Variants in GRID2 observed in about 807,000 individuals in gnomAD.
The protein encoded by GRID2 is glutamate receptor ionotropic, delta-2.
A neutral mutation model predicts 114.8 loss-of-function variants in GRID2; 33 were observed. The observed-to-expected ratio is 0.29, with a 90% CI of 0.22 to 0.38. GRID2 has a LOEUF of 0.38. Among genes scored for constraint, GRID2 ranks in the 10% least tolerant of loss-of-function variants. GRID2 has a pLI of 1.00. For synonymous variants in GRID2, 505 were observed against 449.9 expected, an observed-to-expected ratio of 1.12 and a Z score of -1.55; for missense variants, 1,184 against 1,257.7, an observed-to-expected ratio of 0.94 and a Z score of 0.89.
At chr4:93,720,669 G>T (rs542695410) in intron 14 of GRID2, among the ~76,000 whole-genome samples, 1 of 152,148 alleles carries the variant, frequency 6.6e-6, no homozygotes, top group South Asian at 2.1e-4. Context: ...CAGGTTATTG[G>T]TTAGTCATAT....
chr4:92,548,481 A>G (rs549300561), intron 1 of GRID2, among the ~76,000 whole-genome samples: 1 of 132,640 alleles, frequency 7.5e-6, no homozygotes, highest in South Asian at 2.4e-4. Context: ...GGCTCACTGC[A>G]ACCTCCGCCT....
chr4:92,782,976 T>A (rs962215759), intron 2 of GRID2, among the ~76,000 whole-genome samples: 1 of 152,116 alleles, frequency 6.6e-6, no homozygotes, highest in Admixed American at 6.6e-5. Context: ...TTTTCTAAGG[T>A]ACTTTGAAAG....
intron 8 of GRID2, among the ~76,000 whole-genome samples, chr4:93,271,501 T>C (rs905787433): frequency 3.3e-5 from 5 of 152,086 alleles, no homozygotes; most frequent in African/African-American, 1.2e-4. Flanking sequence ...AAGTCAACTA[T>C]ATTTTCCCAG....
At chr4:93,649,074 A>G (rs373709202) in intron 14 of GRID2, among the ~76,000 whole-genome samples, 6 of 152,086 alleles carry the variant, frequency 3.9e-5, no homozygotes, top group African/African-American at 1.4e-4. Flanking sequence ...ATATTCCCCA[A>G]TTCCACTTAT....
intron 8 of GRID2, among the ~76,000 whole-genome samples, chr4:93,259,306 T>C (rs1749979599): frequency 6.6e-6 from 1 of 151,790 alleles, no homozygotes; most frequent in African/African-American, 2.4e-5. Context: ...TTGCTGTAAA[T>C]ACACAGCTCC....
chr4:92,456,384 T>A (rs1045803936), intron 1 of GRID2, among the ~76,000 whole-genome samples: 1 of 151,860 alleles, frequency 6.6e-6, no homozygotes, highest in African/African-American at 2.4e-5. Flanking sequence ...CGGAAAAAAA[T>A]ATTGAATGGT....
chr4:93,468,659 G>T (rs1397759093), intron 11 of GRID2, among the ~76,000 whole-genome samples: 1 of 152,074 alleles, frequency 6.6e-6, no homozygotes, highest in South Asian at 2.1e-4. Context: ...GGACAGAGAG[G>T]TCCATGAGTT....
At chr4:93,612,231 A>T (rs1257149939) in intron 13 of GRID2, among the ~76,000 whole-genome samples, 3 of 148,900 alleles carry the variant, frequency 2.0e-5, no homozygotes, top group Non-Finnish European at 4.5e-5. Flanking sequence ...GGTTTCCTGA[A>T]TACAGCACAC....
intron 2 of GRID2, among the ~76,000 whole-genome samples, chr4:93,083,825 G>T (rs1299269736): frequency 1.3e-5 from 2 of 151,656 alleles, no homozygotes; most frequent in Non-Finnish European, 2.9e-5. Context: ...TGCATGTATT[G>T]GTTGGCTTAG....
intron 8 of GRID2, among the ~76,000 whole-genome samples, chr4:93,389,998 A>G (rs1284488453): frequency 6.6e-6 from 1 of 152,196 alleles, no homozygotes; most frequent in Admixed American, 6.5e-5. Context: ...CATGTTGGCC[A>G]GGCTGGTCTT....
chr4:92,315,935 A>C (rs1438272401), intron 1 of GRID2, among the ~76,000 whole-genome samples: 1 of 146,304 alleles, frequency 6.8e-6, no homozygotes, highest in African/African-American at 2.6e-5. Context: ...GCACCATTGC[A>C]CTCCAGCCTG....
At chr4:93,725,613 G>A (rs918976517) in intron 14 of GRID2, among the ~76,000 whole-genome samples, 1 of 150,150 alleles carries the variant, frequency 6.7e-6, no homozygotes, top group Non-Finnish European at 1.5e-5. Flanking sequence ...GTGTAAAAGT[G>A]TTCCTATTTC....
chr4:92,681,446 G>C (rs573558296), intron 2 of GRID2, among the ~76,000 whole-genome samples: 1 of 151,986 alleles, frequency 6.6e-6, no homozygotes, highest in Non-Finnish European at 1.5e-5. Flanking sequence ...GAGAATGATG[G>C]TTTCTAGCTT....
intron 13 of GRID2, among the ~76,000 whole-genome samples, chr4:93,527,958 G>T (rs1731077055): frequency 6.6e-6 from 1 of 152,016 alleles, no homozygotes; most frequent in East Asian, 1.9e-4. Flanking sequence ...TAATCACATA[G>T]TAGTTGTCCT....
intron 4 of GRID2, among the ~76,000 whole-genome samples, chr4:93,185,026 AT>A (rs1361091024): frequency 6.6e-6 from 1 of 152,240 alleles, no homozygotes; most frequent in Non-Finnish European, 1.5e-5. Flanking sequence ...TAGGAGAGTC[AT>A]TTTGAAAATG....
intron 1 of GRID2, among the ~76,000 whole-genome samples, chr4:92,477,093 G>A (rs954434540): frequency 8.0e-6 from 1 of 124,304 alleles, no homozygotes; most frequent in African/African-American, 3.2e-5. Context: ...GTGTGTGTGT[G>A]TGTGTTTGCT....
At chr4:92,584,455 G>A (rs1728328366) in intron 1 of GRID2, among the ~76,000 whole-genome samples, 1 of 151,942 alleles carries the variant, frequency 6.6e-6, no homozygotes, top group Admixed American at 6.6e-5. Flanking sequence ...GAATAGCTCT[G>A]CAGAACTGTA....
chr4:93,466,746 A>G (rs1724312142), intron 11 of GRID2, among the ~76,000 whole-genome samples: 1 of 152,138 alleles, frequency 6.6e-6, no homozygotes. Context: ...CTGGAATTGA[A>G]TCCCACCTCC....
chr4:93,236,762 A>G (rs772310428), intron 7 of GRID2, among the ~76,000 whole-genome samples: 1 of 152,050 alleles, frequency 6.6e-6, no homozygotes, highest in East Asian at 1.9e-4. Context: ...AATGAAATGT[A>G]ACTGAGTTGA....
Sources: gnomAD v4.1 joint callset for allele counts (sites outside exome capture counted in the v4.1 genomes callset) on GRCh38, gnomAD v4.1.1 for gene constraint, MANE v1.5 for transcripts, NCBI Gene and HGNC (gene_info 2026-07-23, HGNC 2026-07-21) for gene names.